ZNF224: variants seen among roughly 807,000 people sequenced by gnomAD.
The protein encoded by ZNF224 is bone marrow zinc finger 2.
In ZNF224, 8 loss-of-function variants were observed where a neutral mutation model predicts 10.5. The ratio of observed to expected loss-of-function variants is 0.76; its 90% CI spans 0.45 to 1.37. The LOEUF is 1.37. Ranked by LOEUF, ZNF224 falls within the 40% of genes most tolerant of loss-of-function variation. ZNF224 has a pLI of 0.00. For missense variants in ZNF224, 754 were observed against 854.0 expected (o/e 0.88, Z 1.46); for synonymous variants, 282 against 287.8 (o/e 0.98, Z 0.20).
rs183854644 is a variant in ZNF224 at position 44,098,587 on chromosome 19, A to G, written c.15+699A>G. Among the ~76,000 whole-genome samples, 52 of 146,872 alleles carry G rather than the reference A, an allele frequency of 3.5e-4. No individual in the cohort carries two copies. In the East Asian group the frequency reaches 0.01, roughly 28 times the overall value. ...TTTGACCAAAGTAATATGTAAGCTA[A>G]TTTTTTTTTTTTTGAGATGGAGTTT... On this transcript the variant is annotated intron_variant, in intron 3 of 5. Coordinates refer to ENST00000693561, the MANE Select transcript of ZNF224 (RefSeq NM_001321645.3).
rs745433621 is a variant in ZNF224, at chr19:44,106,444, A to G, written c.284A>G (p.His95Arg). ...EMETVSEAGTHQEWSFQQIWE... is the reference protein window; with the variant it reads ...EMETVSEAGTRQEWSFQQIWE... ...GAGACTGTTTCAGAAGCAGGAACAC[A>G]TCAAGAGTGGTCCTTCCAGCAAATC... Residue 95 changes from histidine to arginine, a missense_variant, in exon 6 of 6, where the codon CAT (histidine) becomes CGT (arginine). Coordinates refer to ENST00000693561, the MANE Select transcript of ZNF224 (RefSeq NM_001321645.3). The G allele has an allele frequency of 2.2e-5, 35 of 1,614,192 alleles. No homozygotes were observed. Among genetic ancestry groups the G allele is most frequent in the Non-Finnish European group, 2.9e-5 (34 of 1,180,028 alleles).
Position 44,107,142 on chromosome 19 carries a change from A to G in ZNF224, c.982A>G (p.Arg328Gly). The G allele has an allele frequency of 6.2e-7, 1 of 1,606,856 alleles. No homozygotes were observed. Among genetic ancestry groups the G allele is most frequent in the Non-Finnish European group, 8.5e-7 (1 of 1,176,054 alleles). The change falls in exon 6 of 6, where the codon AGA becomes GGA. Residue 328 changes from arginine (R) to glycine (G), a missense_variant. Physicochemically the swap from Arg to Gly is moderately radical, Grantham distance 125 (BLOSUM62 -2). Transcript: ENST00000693561. ...TACGTGTGATAAGAGCTTTCGTCAGAGATCAGCACTTAATAGTCATCGCAT... is the reference window on the plus strand; with the variant it reads ...TACGTGTGATAAGAGCTTTCGTCAGGGATCAGCACTTAATAGTCATCGCAT... ...CDTCDKSFRQ[R>G]SALNSHRMIH...
In ZNF224 at chr19:44,106,759, G is replaced by C; in HGVS notation, c.599G>C (p.Gly200Ala). ...ALRIHQRVHM[G>A]EKCYKCDVCG... ...CGTATTCATCAGAGAGTCCACATGG[G>C]AGAGAAATGCTATAAGTGTGACGTG... The change falls in exon 6 of 6, where the codon GGA (glycine) becomes GCA (alanine). Residue 200 changes from glycine (G) to alanine (A), a missense_variant. Transcript: ENST00000693561. 2 of 1,613,110 alleles carry C rather than the reference G, an allele frequency of 1.2e-6. No homozygotes were observed. The highest frequency in any genetic ancestry group is 1.7e-5 in the Admixed American group (1 of 59,992).
chr19:44,096,937 A>G (rs1472964985), intron 2 of ZNF224: 2 of 157,688 alleles, frequency 1.3e-5, no homozygotes, highest in Non-Finnish European at 2.9e-5. Context: ...CAGATTATGC[A>G]TTGTTGGTAG....
In ZNF224 at chr19:44,107,708, G is replaced by C; in HGVS notation, c.1548G>C (p.Lys516Asn). Residue 516 changes from lysine to asparagine, a missense_variant, in exon 6 of 6, where the codon AAG (lysine) becomes AAC (asparagine). By Grantham distance (94) the Lys-to-Asn change is moderately conservative. Transcript: ENST00000693561. ...GAGAAAAGCCATACAAATGTGAGAAGTGTGGAAAGGGCTACAATAGTAAGT... is the reference window on the plus strand; with the variant it reads ...GAGAAAAGCCATACAAATGTGAGAACTGTGGAAAGGGCTACAATAGTAAGT... ...HTGEKPYKCE[K>N]CGKGYNSKFN... 6.2e-7 allele frequency: 1 copy of C among 1,613,914 alleles called. No individual in the cohort carries two copies. The highest frequency in any genetic ancestry group is 8.5e-7 in the Non-Finnish European group (1 of 1,180,004).
In ZNF224 at chr19:44,100,242, G is replaced by A. The variant is rs376426117; in HGVS notation, c.16-559G>A. Among the ~76,000 whole-genome samples, 20 of 152,262 alleles carry A rather than the reference G, an allele frequency of 1.3e-4. No homozygotes were observed. The East Asian group carries it at 1.3e-3, about 10-fold the overall frequency. On this transcript the variant is annotated intron_variant, in intron 3 of 5. Coordinates refer to ENST00000693561, the MANE Select transcript of ZNF224 (RefSeq NM_001321645.3). ...GGAAGGGACAGAGCCTTATATATGC[G>A]CTCTGAGGCACGCTGGCTGCAGATC...
intron 5 of ZNF224, among the ~76,000 whole-genome samples, chr19:44,104,199 CA>C (rs1326476546): frequency 6.6e-6 from 1 of 152,066 alleles, no homozygotes; most frequent in Non-Finnish European, 1.5e-5. Flanking sequence ...CTCAGTTAAC[CA>C]AATTATTGTT....
chr19:44,107,537 G>T lies in ZNF224; in HGVS notation c.1377G>T (p.Lys459Asn), dbSNP rs773028523. The T allele has an allele frequency of 6.2e-7, 1 of 1,610,744 alleles. No homozygotes were observed. Among genetic ancestry groups the T allele is most frequent in the African/African-American group, 1.3e-5 (1 of 74,376 alleles). The part of the protein sequence containing the change: ...VHTGEKLYNC[K>N]ECGKSFSRAP... The stretch of plus-strand genomic sequence containing the variant: ...CAGGAGAGAAACTGTATAATTGTAA[G>T]GAATGTGGGAAGAGCTTTAGTCGGG... Residue 459 changes from lysine (K) to asparagine (N), a missense_variant, in exon 6 of 6, where the codon AAG becomes AAT. Lys to Asn is a moderately conservative substitution (Grantham distance 94, BLOSUM62 0). Coordinates refer to ENST00000693561, the MANE Select transcript of ZNF224 (RefSeq NM_001321645.3).
chr19:44,104,887 C>T (rs1421787819), intron 5 of ZNF224, among the ~76,000 whole-genome samples: 3 of 152,228 alleles, frequency 2.0e-5, no homozygotes, highest in Non-Finnish European at 4.4e-5. Context: ...TGGTCTCGAT[C>T]TCCTGACCTC....
At position 44,106,853 on chromosome 19, in the gene ZNF224, G is replaced by A. The variant is rs745665474; in HGVS notation, c.693G>A (p.Pro231=). 3.8e-5 allele frequency: 62 copies of A among 1,612,506 alleles called. No individual in the cohort carries two copies. In the East Asian group the frequency reaches 4.9e-4, roughly 13 times the overall value. ...THQRVHTGEK[P]FKCVECGKGF... ...AGAGAGTCCACACTGGAGAGAAACC[G>A]TTCAAATGTGTGGAATGTGGGAAAG... Residue 231 remains proline, a synonymous_variant, in exon 6 of 6, where the codon CCG becomes CCA. Coordinates refer to ENST00000693561, the MANE Select transcript of ZNF224 (RefSeq NM_001321645.3).
chr19:44,096,085 T>A (rs1445829532), intron 1 of ZNF224: 1 of 152,156 alleles, frequency 6.6e-6, no homozygotes, highest in Non-Finnish European at 1.5e-5. Flanking sequence ...TATTTCCCCC[T>A]TATGTGTTTA....
rs144032518 is a variant in ZNF224 at position 44,107,503 on chromosome 19, G to A, written c.1343G>A (p.Arg448His). The change falls in exon 6 of 6, where the codon CGC (arginine) becomes CAC (histidine). Residue 448 changes from arginine to histidine, a missense_variant. Arg to His is a conservative substitution (Grantham distance 29). Transcript: ENST00000693561. ...KRRLDLDFHQRVHTGEKLYNC... is the reference protein window; with the variant it reads ...KRRLDLDFHQHVHTGEKLYNC... ...AGGTTGGATCTTGACTTTCACCAGC[G>A]CGTCCATACAGGAGAGAAACTGTAT... The A allele has an allele frequency of 2.9e-4, 469 of 1,605,222 alleles. 2 individuals carry two copies. The highest frequency in any genetic ancestry group is 2.1e-3 in the South Asian group (189 of 89,568).
At chr19:44,102,100 A>G (rs1967559932) in intron 5 of ZNF224, among the ~76,000 whole-genome samples, 1 of 152,192 alleles carries the variant, frequency 6.6e-6, no homozygotes, top group African/African-American at 2.4e-5. Flanking sequence ...GGATGTGGAC[A>G]TCTTTTAGGA....
rs112763415 is a variant in ZNF224 at position 44,100,937 on chromosome 19, G to A, written c.142+10G>A. 2,544 of 1,613,440 alleles carry A rather than the reference G, an allele frequency of 1.6e-3. 49 individuals are homozygous for A. The African/African-American group carries it at 0.03, about 19-fold the overall frequency. On this transcript the variant is annotated intron_variant, in intron 4 of 5. Transcript: ENST00000693561. ...AACCTGCTCTCAGTGGGTGAGGACA[G>A]GCACCCTCTGTAACAGAACGTCAGG...
chr19:44,102,271 C>G (rs758920067), intron 5 of ZNF224, among the ~76,000 whole-genome samples: 2 of 152,226 alleles, frequency 1.3e-5, no homozygotes, highest in Non-Finnish European at 2.9e-5. Flanking sequence ...AAACCACTCT[C>G]TTTATAATTC....
chr19:44,107,887 G>A lies in ZNF224; in HGVS notation c.1727G>A (p.Arg576Lys). The A allele has an allele frequency of 6.2e-7, 1 of 1,601,266 alleles. No individual in the cohort carries two copies. Among genetic ancestry groups the A allele is most frequent in the Non-Finnish European group, 8.5e-7 (1 of 1,172,074 alleles). ...KPFKCEECGK[R>K]FTQNSQLHSH... Reference sequence around the variant, plus strand: ...TTCAAATGTGAAGAGTGTGGGAAAAGATTTACTCAGAATTCACAGCTTCAT... The same window carrying A: ...TTCAAATGTGAAGAGTGTGGGAAAAAATTTACTCAGAATTCACAGCTTCAT... Residue 576 changes from arginine to lysine, a missense_variant, in exon 6 of 6, where the codon AGA becomes AAA. Arg to Lys is a conservative substitution (Grantham distance 26). Transcript: ENST00000693561.
rs112920452 is a variant in ZNF224, at chr19:44,101,230, G to A, written c.235+5G>A. 1.5e-4 allele frequency: 239 copies of A among 1,613,164 alleles called. 3 individuals carry two copies. In the African/African-American group the frequency reaches 2.7e-3, roughly 18 times the overall value. On this transcript the variant is annotated splice_donor_5th_base_variant and intron_variant, in intron 5 of 5. Transcript: ENST00000693561. ...TCCAAAGGGAAGGGAATTCAGGTAAGAATCAAGCAACTGTGAATCCCTGTA... is the reference window on the plus strand; with the variant it reads ...TCCAAAGGGAAGGGAATTCAGGTAAAAATCAAGCAACTGTGAATCCCTGTA...
chr19:44,105,337 GATT>G (rs2147531656), intron 5 of ZNF224: 1 of 152,170 alleles, frequency 6.6e-6, no homozygotes, highest in Non-Finnish European at 1.5e-5. Context: ...ACCAAGTCTT[GATT>G]ATATTACTTT....
chr19:44,107,464 A>G lies in ZNF224; in HGVS notation c.1304A>G (p.Lys435Arg). The change falls in exon 6 of 6, where the codon AAG (lysine) becomes AGG (arginine). Residue 435 changes from lysine to arginine, a missense_variant. Physicochemically the swap from Lys to Arg is conservative, Grantham distance 26. Transcript: ENST00000693561. ...EKPYKCVECG[K>R]GYKRRLDLDF... The stretch of plus-strand genomic sequence containing the variant: ...CCATACAAATGTGTGGAGTGTGGGA[A>G]GGGCTACAAAAGGAGGTTGGATCTT... The G allele has an allele frequency of 6.2e-7, 1 of 1,607,072 alleles. No homozygotes were observed. Among genetic ancestry groups the G allele is most frequent in the Non-Finnish European group, 8.5e-7 (1 of 1,176,896 alleles).
Sources: allele counts gnomAD v4.1 joint callset (sites outside exome capture counted in the v4.1 genomes callset), GRCh38; gene constraint gnomAD v4.1.1; transcripts MANE v1.5; gene names NCBI Gene and HGNC (gene_info 2026-07-23, HGNC 2026-07-21).